COX8C: variants seen among roughly 807,000 people sequenced by gnomAD.
The protein encoded by COX8C is cytochrome c oxidase subunit 8C.
A neutral mutation model predicts 3.5 loss-of-function variants in COX8C; 3 were observed. That is an observed-to-expected ratio of 0.86 (90% CI 0.39 to 2.24). The LOEUF (loss-of-function observed/expected upper bound fraction) is 2.24. Ranked by LOEUF, COX8C falls within the 30% of genes most tolerant of loss-of-function variation. The pLI is 0.05. For synonymous variants in COX8C, 46 were observed against 44.1 expected, an observed-to-expected ratio of 1.04 and a Z score of -0.17; for missense variants, 113 against 102.5, an observed-to-expected ratio of 1.10 and a Z score of -0.44.
intron 1 of COX8C, among the ~76,000 whole-genome samples, chr14:93,347,674 G>C (rs147942324): frequency 0.017 from 2,565 of 152,148 alleles, 82 homozygotes; most frequent in African/African-American, 0.059. Flanking sequence ...ACCCTTTACC[G>C]GCACCTGGCT....
rs1253629740 is a variant in COX8C, at chr14:93,347,408, C to T, written c.126+14C>T. ...CTGTCTGCCGCGGTGAGTTGAGGCC[C>T]AGCCATCATGGTGGGCGGGAAGCGC... On this transcript the variant is annotated intron_variant, in intron 1 of 1. Coordinates refer to ENST00000342144, the MANE Select transcript of COX8C (RefSeq NM_182971.3). 4 of 1,492,886 alleles carry T rather than the reference C, an allele frequency of 2.7e-6. No homozygotes were observed. Among genetic ancestry groups the T allele is most frequent in the East Asian group, 5.1e-5 (2 of 39,284 alleles). The allele number at this position is 1,492,886 out of a possible 1,614,324, so 92.5% of individuals were successfully genotyped here.
intron 1 of COX8C, 112 bp downstream of exon 1, chr14:93,347,506 C>T: frequency 3.2e-6 from 4 of 1,238,854 alleles, no homozygotes; most frequent in Non-Finnish European, 4.2e-6. Flanking sequence ...GTGGGAGGCT[C>T]TTGTGGCTTG....
rs375336108 is a variant in COX8C at position 93,347,288 on chromosome 14, G to A, written c.20G>A (p.Arg7His). ...CGCGATATGCCTCTCCTGCGTGGGC[G>A]CTGTCCTGCCCGCCGCCACTACCGC... is the stretch of plus-strand genomic sequence containing the variant. MPLLRG[R>H]CPARRHYRRL... The change falls in exon 1 of 2, where the codon CGC becomes CAC. Residue 7 changes from arginine (R) to histidine (H), a missense_variant. Physicochemically the swap from Arg to His is conservative, Grantham distance 29. Transcript: ENST00000342144. The A allele has an allele frequency of 1.1e-5, 17 of 1,604,752 alleles. No individual in the cohort carries two copies. The Middle Eastern group carries it at 6.6e-4, about 62-fold the overall frequency.
Position 93,348,052 on chromosome 14 carries a change from T to G in COX8C, c.151T>G (p.Phe51Val), listed in dbSNP as rs751080904. 21 of 1,612,166 alleles carry G rather than the reference T, an allele frequency of 1.3e-5. No homozygotes were observed. In the East Asian group the frequency reaches 4.7e-4, roughly 36 times the overall value. Residue 51 changes from phenylalanine to valine, a missense_variant, in exon 2 of 2, where the codon TTT (phenylalanine) becomes GTT (valine). Coordinates refer to ENST00000342144, the MANE Select transcript of COX8C (RefSeq NM_182971.3). ...GGAAATGGCTGTTGGACTTGTGGTG[T>G]TTTTTACGACCTTCTTAACACCAGC... ...AAEMAVGLVV[F>V]FTTFLTPAAY... is the part of the protein sequence containing the mutation.
rs2053872013 is a variant in COX8C at position 93,347,345 on chromosome 14, C to A, written c.77C>A (p.Pro26His). ...RLALLGLQPAPRFAHSGPPRQ... is the reference protein window; with the variant it reads ...RLALLGLQPAHRFAHSGPPRQ... ...GCCCTGCTCGGCCTGCAGCCCGCTC[C>A]CCGCTTCGCCCACTCGGGGCCCCCG... Residue 26 changes from proline to histidine, a missense_variant, in exon 1 of 2, where the codon CCC becomes CAC. Physicochemically the swap from Pro to His is moderately conservative, Grantham distance 77. Transcript: ENST00000342144. 1.3e-6 allele frequency: 2 copies of A among 1,597,408 alleles called. No homozygotes were observed. Among genetic ancestry groups the A allele is most frequent in the East Asian group, 4.5e-5 (2 of 44,502 alleles).
rs1056115147 is a variant in COX8C at position 93,347,364 on chromosome 14, G to GC, written c.101dup (p.Arg35AlafsTer43). ...CCGCTCCCCGCTTCGCCCACTCGGG[G>GC]CCCCCGCGCCAGCGGCCCCTGTCTG... is the stretch of plus-strand genomic sequence containing the variant. On this transcript the variant is annotated frameshift_variant, in exon 1 of 2. Coordinates refer to ENST00000342144, the MANE Select transcript of COX8C (RefSeq NM_182971.3). LOFTEE classifies it low-confidence loss of function (END_TRUNC). The GC allele has an allele frequency of 6.4e-7, 1 of 1,573,800 alleles. No homozygotes were observed. The highest frequency in any genetic ancestry group is 1.4e-5 in the African/African-American group (1 of 73,610).
intron 1 of COX8C, 113 bp downstream of exon 1, chr14:93,347,507 T>A: frequency 8.1e-7 from 1 of 1,241,538 alleles, no homozygotes; most frequent in Non-Finnish European, 1.0e-6. Flanking sequence ...TGGGAGGCTC[T>A]TGTGGCTTGG....
At chr14:93,347,611 C>T in intron 1 of COX8C, among the ~76,000 whole-genome samples, 1 of 151,866 alleles carries the variant, frequency 6.6e-6, no homozygotes, top group Admixed American at 6.6e-5. Flanking sequence ...GGCACAGGGG[C>T]GGAAAGCCCG....
rs777042835 is a variant in COX8C, at chr14:93,348,173, CTG to C, written c.*57_*58del. On this transcript the variant is annotated 3_prime_UTR_variant, in exon 2 of 2. Transcript: ENST00000342144. ...ACGTCCAAAAAACTTTCAGAAAAAG[CTG>C]TGTTTTTGTTAACGAGCAAAATTGC... 15 of 1,178,934 alleles carry C rather than the reference CTG, an allele frequency of 1.3e-5. No homozygotes were observed. The highest frequency in any genetic ancestry group is 1.7e-5 in the Non-Finnish European group (13 of 787,430). 73.0% of individuals were successfully genotyped at this position (1,178,934 alleles called of 1,614,324 possible). A position where few individuals can be genotyped will look rare whatever the true frequency, so the allele number is the denominator to read the frequency against.
Position 93,348,009 on chromosome 14 carries a change from G to C in COX8C, c.127-19G>C. ...CCTAGGAAGCCATACTCAGCAGCGC[G>C]TGTCATCTTCTCTTCCAGGAAATGG... On this transcript the variant is annotated intron_variant, in intron 1 of 1. Coordinates refer to ENST00000342144, the MANE Select transcript of COX8C (RefSeq NM_182971.3). 1 of 1,508,810 alleles carries C rather than the reference G, an allele frequency of 6.6e-7. No homozygotes were observed. Among genetic ancestry groups the C allele is most frequent in the Non-Finnish European group, 9.2e-7 (1 of 1,084,024 alleles). 93.5% of individuals were successfully genotyped at this position (1,508,810 alleles called of 1,614,324 possible).
rs1272552854 is a variant in COX8C, at chr14:93,347,227, A to G, written c.-42A>G. 22 of 1,559,556 alleles carry G rather than the reference A, an allele frequency of 1.4e-5. No homozygotes were observed. Among genetic ancestry groups the G allele is most frequent in the Non-Finnish European group, 1.9e-5 (22 of 1,151,842 alleles). ...AGCTTGCGTTACTTGGCCTCACCTC[A>G]CCTGTGCTGTCCACGCCTGGCTTTG... On this transcript the variant is annotated 5_prime_UTR_variant, in exon 1 of 2. Transcript: ENST00000342144.
At position 93,347,263 on chromosome 14, in the gene COX8C, C is replaced by T. The variant is rs759631639; in HGVS notation, c.-6C>T. On this transcript the variant is annotated 5_prime_UTR_variant, in exon 1 of 2. In the 5' UTR this introduces an upstream ATG that the reference lacks. Coordinates refer to ENST00000342144, the MANE Select transcript of COX8C (RefSeq NM_182971.3). Reference sequence around the variant, plus strand: ...CCACGCCTGGCTTTGTCTCACCTGACGCGATATGCCTCTCCTGCGTGGGCG... The same window carrying T: ...CCACGCCTGGCTTTGTCTCACCTGATGCGATATGCCTCTCCTGCGTGGGCG... The T allele has an allele frequency of 1.4e-5, 22 of 1,599,914 alleles. No individual in the cohort carries two copies. The highest frequency in any genetic ancestry group is 1.9e-5 in the Non-Finnish European group (22 of 1,173,608).
chr14:93,347,858 A>T (rs1472858580), intron 1 of COX8C, among the ~76,000 whole-genome samples, 170 bp from the exon 2 acceptor site: 1 of 152,062 alleles, frequency 6.6e-6, no homozygotes, highest in African/African-American at 2.4e-5. Context: ...TTAAAAAAAA[A>T]AATCAGGTGA....
rs1433278622 is a variant in COX8C, at chr14:93,347,192, C to T, written c.-77C>T. ...GCGCCTGCGCAAACCAGCTGCCTCACGAGCACTGGAGCTTGCGTTACTTGG... is the reference window on the plus strand; with the variant it reads ...GCGCCTGCGCAAACCAGCTGCCTCATGAGCACTGGAGCTTGCGTTACTTGG... On this transcript the variant is annotated 5_prime_UTR_variant, in exon 1 of 2. In the 5' UTR this introduces an upstream ATG that the reference lacks. Transcript: ENST00000342144. 4.1e-6 allele frequency: 6 copies of T among 1,481,458 alleles called. No individual in the cohort carries two copies. The highest frequency in any genetic ancestry group is 5.4e-6 in the Non-Finnish European group (6 of 1,108,342). 91.8% of individuals were successfully genotyped at this position (1,481,458 alleles called of 1,614,324 possible). A position where few individuals can be genotyped will look rare whatever the true frequency, so the allele number is the denominator to read the frequency against.
In COX8C at chr14:93,347,194, A is replaced by G. The variant is rs1392203422; in HGVS notation, c.-75A>G. The stretch of plus-strand genomic sequence containing the variant: ...GCCTGCGCAAACCAGCTGCCTCACG[A>G]GCACTGGAGCTTGCGTTACTTGGCC... On this transcript the variant is annotated 5_prime_UTR_variant, in exon 1 of 2. Coordinates refer to ENST00000342144, the MANE Select transcript of COX8C (RefSeq NM_182971.3). 3 of 1,486,016 alleles carry G rather than the reference A, an allele frequency of 2.0e-6. No individual in the cohort carries two copies. Among genetic ancestry groups the G allele is most frequent in the Non-Finnish European group, 2.7e-6 (3 of 1,111,642 alleles). The allele number at this position is 1,486,016 out of a possible 1,614,324, so 92.1% of individuals were successfully genotyped here.
rs779883921 is a variant in COX8C, at chr14:93,347,278, C to T, written c.10C>T (p.Leu4=). 9.3e-6 allele frequency: 15 copies of T among 1,604,582 alleles called. No homozygotes were observed. Among genetic ancestry groups the T allele is most frequent in the African/African-American group, 1.3e-5 (1 of 74,648 alleles). Reference sequence around the variant, plus strand: ...TCTCACCTGACGCGATATGCCTCTCCTGCGTGGGCGCTGTCCTGCCCGCCG... The same window carrying T: ...TCTCACCTGACGCGATATGCCTCTCTTGCGTGGGCGCTGTCCTGCCCGCCG... MPL[L]RGRCPARRHY... is the part of the protein sequence containing the mutation. The change falls in exon 1 of 2, where the codon CTG becomes TTG. Residue 4 remains leucine, a synonymous_variant. Transcript: ENST00000342144.
At chr14:93,347,904 A>C in intron 1 of COX8C, 124 bp from the exon 2 acceptor site, 3 of 586,578 alleles carry the variant, frequency 5.1e-6, no homozygotes, top group East Asian at 2.8e-5. Context: ...AGATTTCACT[A>C]GGCGCCTGTT....
In COX8C at chr14:93,347,264, G is replaced by A. The variant is rs751465395; in HGVS notation, c.-5G>A. On this transcript the variant is annotated 5_prime_UTR_variant, in exon 1 of 2. Coordinates refer to ENST00000342144, the MANE Select transcript of COX8C (RefSeq NM_182971.3). ...CACGCCTGGCTTTGTCTCACCTGAC[G>A]CGATATGCCTCTCCTGCGTGGGCGC... 1 of 1,600,634 alleles carries A rather than the reference G, an allele frequency of 6.2e-7. No individual in the cohort carries two copies. Among genetic ancestry groups the A allele is most frequent in the Non-Finnish European group, 8.5e-7 (1 of 1,173,858 alleles).
In COX8C at chr14:93,347,193, G is replaced by T; in HGVS notation, c.-76G>T. The T allele has an allele frequency of 6.7e-7, 1 of 1,483,874 alleles. No individual in the cohort carries two copies. Among genetic ancestry groups the T allele is most frequent in the South Asian group, 1.3e-5 (1 of 75,606 alleles). 91.9% of individuals were successfully genotyped at this position (1,483,874 alleles called of 1,614,324 possible). A position where few individuals can be genotyped will look rare whatever the true frequency, so the allele number is the denominator to read the frequency against. ...CGCCTGCGCAAACCAGCTGCCTCAC[G>T]AGCACTGGAGCTTGCGTTACTTGGC... On this transcript the variant is annotated 5_prime_UTR_variant, in exon 1 of 2. Coordinates refer to ENST00000342144, the MANE Select transcript of COX8C (RefSeq NM_182971.3).
Sources: allele counts gnomAD v4.1 joint callset (sites outside exome capture counted in the v4.1 genomes callset), GRCh38; gene constraint gnomAD v4.1.1; transcripts MANE v1.5; gene names NCBI Gene and HGNC (gene_info 2026-07-23, HGNC 2026-07-21).